SPATA9: variants seen among roughly 807,000 people sequenced by gnomAD.
SPATA9 encodes the protein spermatogenesis-associated protein 9.
SPATA9 carries 27 observed loss-of-function variants against 25.5 expected under a neutral mutation model. The ratio of observed to expected loss-of-function variants is 1.06; its 90% CI spans 0.78 to 1.46. The LOEUF is 1.46. Ranked by LOEUF, SPATA9 falls within the 40% of genes most tolerant of loss-of-function variation. The probability of loss-of-function intolerance (pLI) is 0.00; values close to 1 mark genes in which losing one functional copy is unlikely to be tolerated. For synonymous variants in SPATA9, 102 were observed against 105.7 expected (o/e 0.97, Z 0.21); for missense variants, 282 against 297.5 (o/e 0.95, Z 0.38).
chr5:95,676,937 C>A (rs2112654333), intron 2 of SPATA9, among the ~76,000 whole-genome samples: 1 of 152,314 alleles, frequency 6.6e-6, no homozygotes, highest in African/African-American at 2.4e-5. Context: ...TTTTCTCTTT[C>A]CTTCCCTTCC....
upstream of SPATA9, among the ~76,000 whole-genome samples, chr5:95,702,640 C>T (rs2112718814): frequency 6.6e-6 from 1 of 152,248 alleles, no homozygotes; most frequent in African/African-American, 2.4e-5. Flanking sequence ...CTTTCAGAGG[C>T]CAATGCAGGA....
the SPATA9 span, among the ~76,000 whole-genome samples, chr5:95,705,331 G>C: frequency 6.6e-6 from 1 of 151,902 alleles, no homozygotes; most frequent in Non-Finnish European, 1.5e-5. Context: ...GTTGCATTGG[G>C]GATAAAGTTT....
At chr5:95,726,687 T>C in the SPATA9 span, among the ~76,000 whole-genome samples, 1 of 152,252 alleles carries the variant, frequency 6.6e-6, no homozygotes, top group South Asian at 2.1e-4. Context: ...TGGGGGTTTT[T>C]GCTTGTGCTT....
chr5:95,721,491 G>C, the SPATA9 span, among the ~76,000 whole-genome samples: 1 of 152,106 alleles, frequency 6.6e-6, no homozygotes, highest in African/African-American at 2.4e-5. Flanking sequence ...TGGGCAGGGG[G>C]TTTGGATCTG....
intron 3 of SPATA9, among the ~76,000 whole-genome samples, chr5:95,672,351 C>T (rs940974071): frequency 1.3e-5 from 2 of 151,934 alleles, no homozygotes; most frequent in Non-Finnish European, 2.9e-5. Context: ...GCAGGAAATC[C>T]TAAGCTGAAA....
the SPATA9 span, among the ~76,000 whole-genome samples, chr5:95,712,569 G>A: frequency 1.1e-4 from 16 of 152,182 alleles, no homozygotes; most frequent in African/African-American, 3.9e-4. Context: ...CTGGTTATCA[G>A]CCCCAGCTGA....
chr5:95,731,218 C>T, the SPATA9 span: 1 of 1,002,770 alleles, frequency 1.0e-6, no homozygotes, highest in Non-Finnish European at 1.2e-6. Flanking sequence ...GCGCGTCCCC[C>T]GCATCCGCCC....
At chr5:95,689,010 T>G (rs1213661552) in intron 1 of SPATA9, among the ~76,000 whole-genome samples, 4 of 152,142 alleles carry the variant, frequency 2.6e-5, no homozygotes, top group Non-Finnish European at 4.4e-5. Flanking sequence ...CGAAGACACA[T>G]AAGACACACA....
the SPATA9 span, chr5:95,708,881 A>G: frequency 2.2e-6 from 1 of 457,564 alleles, no homozygotes; most frequent in Non-Finnish European, 3.9e-6. Flanking sequence ...GGCACGGAGG[A>G]CATAATAGGT....
At chr5:95,730,920 AAG>A in the SPATA9 span, 11 of 458,782 alleles carry the variant, frequency 2.4e-5, no homozygotes, top group African/African-American at 2.0e-4. Context: ...GGTCAAGGCC[AAG>A]AGGGGGGGAA....
chr5:95,653,177 A>G, exon 9 of SPATA9: 1 of 1,551,730 alleles, frequency 6.4e-7, no homozygotes, highest in Non-Finnish European at 8.7e-7. Flanking sequence ...TGGGCATTTC[A>G]GCTCAGCTGT....
chr5:95,731,230 A>T, the SPATA9 span: 1 of 1,002,264 alleles, frequency 1.0e-6, no homozygotes, highest in Non-Finnish European at 1.2e-6. Context: ...CATCCGCCCG[A>T]CCCCCGGGGC....
At chr5:95,692,423 C>G (rs1580356398) in intron 1 of SPATA9, among the ~76,000 whole-genome samples, 1 of 151,936 alleles carries the variant, frequency 6.6e-6, no homozygotes, top group East Asian at 1.9e-4. Flanking sequence ...TGATTTATGT[C>G]TTACTAAGAA....
chr5:95,724,484 A>G, the SPATA9 span, among the ~76,000 whole-genome samples: 4 of 152,254 alleles, frequency 2.6e-5, no homozygotes, highest in Non-Finnish European at 5.9e-5. Flanking sequence ...ATTGTTTTCA[A>G]TCACAAACAT....
At chr5:95,690,486 G>A (rs4292466) in intron 1 of SPATA9, among the ~76,000 whole-genome samples, 31,807 of 152,096 alleles carry the variant, frequency 0.21, 3,916 homozygotes, top group African/African-American at 0.35. Flanking sequence ...AATTTTGAAG[G>A]TTAATGGAGT....
the SPATA9 span, among the ~76,000 whole-genome samples, chr5:95,727,808 A>T: frequency 2.0e-5 from 3 of 152,250 alleles, no homozygotes; most frequent in Non-Finnish European, 4.4e-5. Context: ...AGCCAAGATA[A>T]ATAACACTAA....
the SPATA9 span, among the ~76,000 whole-genome samples, chr5:95,708,075 C>G: frequency 6.6e-6 from 1 of 151,914 alleles, no homozygotes; most frequent in Non-Finnish European, 1.5e-5. Flanking sequence ...CCAGCTAACT[C>G]TGATTAAAGT....
chr5:95,670,284 C>G (rs1752245325), intron 3 of SPATA9: 1 of 152,184 alleles, frequency 6.6e-6, no homozygotes, highest in Non-Finnish European at 1.5e-5. Context: ...AGAGCTGAAA[C>G]ACTATTCTAG....
At chr5:95,708,161 T>C in the SPATA9 span, among the ~76,000 whole-genome samples, 3 of 152,192 alleles carry the variant, frequency 2.0e-5, no homozygotes, top group Non-Finnish European at 4.4e-5. Context: ...GGTGCCTATC[T>C]AGATTTTCTC....
Sources: gnomAD v4.1 joint callset for allele counts (sites outside exome capture counted in the v4.1 genomes callset) on GRCh38, gnomAD v4.1.1 for gene constraint, MANE v1.5 for transcripts, NCBI Gene and HGNC (gene_info 2026-07-23, HGNC 2026-07-21) for gene names.